Variants in LSAMP observed in about 807,000 individuals in gnomAD.
The protein encoded by LSAMP is limbic system-associated membrane protein.
LSAMP carries 7 observed loss-of-function variants against 38.6 expected under a neutral mutation model. The ratio of observed to expected loss-of-function variants is 0.18; its 90% CI spans 0.10 to 0.34. The LOEUF (loss-of-function observed/expected upper bound fraction) is 0.34, where lower values mean the gene tolerates loss of function less well. Among genes scored for constraint, LSAMP ranks in the 10% least tolerant of loss-of-function variants. The pLI, the probability that LSAMP is intolerant of heterozygous loss-of-function variation, is 1.00. For missense variants in LSAMP, 313 were observed against 420.0 expected (o/e 0.75, Z 2.23); for synonymous variants, 154 against 166.8 (o/e 0.92, Z 0.59).
chr3:115,870,414 A>C (rs1936000097), intron 3 of LSAMP, among the ~76,000 whole-genome samples: 1 of 152,178 alleles, frequency 6.6e-6, no homozygotes, highest in Non-Finnish European at 1.5e-5. Context: ...AATTATTTTC[A>C]AATAATTACA....
At chr3:115,955,907 A>G (rs762918557) in intron 3 of LSAMP, among the ~76,000 whole-genome samples, 1 of 152,152 alleles carries the variant, frequency 6.6e-6, no homozygotes, top group East Asian at 1.9e-4. Context: ...GTGAAGTCCT[A>G]TGAATAAACT....
intron 1 of LSAMP, among the ~76,000 whole-genome samples, chr3:116,091,588 C>G (rs1274208839): frequency 6.6e-6 from 1 of 152,174 alleles, no homozygotes; most frequent in East Asian, 1.9e-4. Context: ...CTTCACAATC[C>G]ACGTTCTTCT....
intron 1 of LSAMP, among the ~76,000 whole-genome samples, chr3:116,387,620 C>T (rs2048642108): frequency 6.6e-6 from 1 of 152,044 alleles, no homozygotes; most frequent in Non-Finnish European, 1.5e-5. Context: ...TTCTCTTTCC[C>T]CCATGGAAAA....
At chr3:115,868,970 GAA>G (rs11292116) in intron 3 of LSAMP, among the ~76,000 whole-genome samples, 5 of 151,318 alleles carry the variant, frequency 3.3e-5, no homozygotes, top group African/African-American at 1.2e-4. Context: ...TATAAATCAG[GAA>G]AAAAAACCCA....
chr3:116,210,426 C>T (rs1016372177), intron 1 of LSAMP, among the ~76,000 whole-genome samples: 1 of 152,180 alleles, frequency 6.6e-6, no homozygotes, highest in Non-Finnish European at 1.5e-5. Context: ...CCATCTTTCT[C>T]CATGCTGGAT....
chr3:116,226,734 G>A (rs553975792), intron 1 of LSAMP, among the ~76,000 whole-genome samples: 2 of 152,326 alleles, frequency 1.3e-5, no homozygotes, highest in South Asian at 2.1e-4. Context: ...TGTGTGTGTC[G>A]TGTAGACACG....
At chr3:116,076,319 G>A (rs376118278) in intron 2 of LSAMP, among the ~76,000 whole-genome samples, 18 of 151,988 alleles carry the variant, frequency 1.2e-4, no homozygotes, top group African/African-American at 2.7e-4. Context: ...GTGCAGTGGC[G>A]CGGTCTTGGC....
intron 1 of LSAMP, among the ~76,000 whole-genome samples, chr3:116,115,460 CTCTTACA>C: frequency 6.6e-6 from 1 of 152,310 alleles, no homozygotes; most frequent in Non-Finnish European, 1.5e-5. Context: ...GAACTGTTTG[CTCTTACA>C]TCTGCATAGG....
intron 1 of LSAMP, among the ~76,000 whole-genome samples, chr3:116,100,375 C>T (rs1298974271): frequency 6.6e-6 from 1 of 152,146 alleles, no homozygotes; most frequent in Non-Finnish European, 1.5e-5. Context: ...CCACCACCCC[C>T]AGCCAAAGTT....
At chr3:115,834,672 T>C (rs1934728094) in intron 6 of LSAMP, 1 of 709,916 alleles carries the variant, frequency 1.4e-6, no homozygotes, top group Non-Finnish European at 1.8e-6. Flanking sequence ...TGTTTAGTTA[T>C]TCAAACAATT....
intron 3 of LSAMP, among the ~76,000 whole-genome samples, chr3:115,901,326 A>G (rs77814784): frequency 0.028 from 4,272 of 152,028 alleles, 234 homozygotes; most frequent in African/African-American, 0.096. Flanking sequence ...GTAGGTTTCA[A>G]AGTGTGTCCT....
intron 3 of LSAMP, among the ~76,000 whole-genome samples, chr3:115,997,827 T>G (rs999197216): frequency 1.6e-4 from 23 of 145,260 alleles, no homozygotes; most frequent in African/African-American, 5.5e-4. Context: ...TATATGTATT[T>G]TATATATTAG....
intron 3 of LSAMP, among the ~76,000 whole-genome samples, chr3:115,998,122 T>C (rs1414121997): frequency 6.6e-6 from 1 of 151,222 alleles, no homozygotes; most frequent in Non-Finnish European, 1.5e-5. Flanking sequence ...GGAGGCAAAA[T>C]CATCCCTAGT....
chr3:116,385,133 A>G (rs2048608136), intron 1 of LSAMP, among the ~76,000 whole-genome samples: 1 of 151,904 alleles, frequency 6.6e-6, no homozygotes, highest in Non-Finnish European at 1.5e-5. Context: ...AAAGAGAAAG[A>G]AGGCGAAAAG....
intron 3 of LSAMP, among the ~76,000 whole-genome samples, chr3:115,950,976 C>T (rs1452912493): frequency 1.3e-5 from 2 of 152,060 alleles, no homozygotes; most frequent in African/African-American, 4.8e-5. Context: ...AAGCCAGATA[C>T]TTACAGCCAA....
chr3:116,227,948 G>A (rs866486344), intron 1 of LSAMP, among the ~76,000 whole-genome samples: 4 of 152,156 alleles, frequency 2.6e-5, no homozygotes, highest in South Asian at 2.1e-4. Context: ...ATACAGGGCC[G>A]TAACTATTTA....
At chr3:116,286,770 T>TTATGTTTG (rs1431782018) in intron 1 of LSAMP, among the ~76,000 whole-genome samples, 1 of 152,104 alleles carries the variant, frequency 6.6e-6, no homozygotes, top group East Asian at 1.9e-4. Context: ...TTATAAAAAA[T>TTATGTTTG]TATGTTTGGC....
In LSAMP at chr3:116,206,269, T is replaced by C. The variant is rs1386987295; in HGVS notation, c.156-119713A>G. ...GTGATATCCCCTTTATCATTTTTTA[T>C]TGTGTCTATTTGATTCTTCTCTCTT... On this transcript the variant is annotated intron_variant, in intron 1 of 6. Coordinates refer to ENST00000490035, the MANE Select transcript of LSAMP (RefSeq NM_002338.5). 1.6e-3 allele frequency among the ~76,000 whole-genome samples: 235 copies of C among 149,658 alleles called. 1 individual carries two copies. The highest frequency in any genetic ancestry group is 5.1e-3 in the African/African-American group (208 of 40,680).
At chr3:116,440,992 A>T (rs1242267546) in intron 1 of LSAMP, among the ~76,000 whole-genome samples, 3 of 152,218 alleles carry the variant, frequency 2.0e-5, no homozygotes, top group African/African-American at 7.2e-5. Context: ...AATTTGAACA[A>T]GATCTTTATA....
Sources: gnomAD v4.1 joint callset for allele counts (sites outside exome capture counted in the v4.1 genomes callset) on GRCh38, gnomAD v4.1.1 for gene constraint, MANE v1.5 for transcripts, NCBI Gene and HGNC (gene_info 2026-07-23, HGNC 2026-07-21) for gene names.